The following FABP7 variants were observed in gnomAD, a reference collection of about 807,000 sequenced individuals.
FABP7 encodes fatty acid-binding protein, brain.
A neutral mutation model predicts 14.2 loss-of-function variants in FABP7; 13 were observed. The ratio of observed to expected loss-of-function variants is 0.91; its 90% confidence interval spans 0.59 to 1.45. The LOEUF (loss-of-function observed/expected upper bound fraction) is 1.45. FABP7 is among the 40% of genes most tolerant of loss of function. The pLI is 0.00. For missense variants in FABP7, 149 were observed against 157.6 expected, an observed-to-expected ratio of 0.95 and a Z score of 0.29; for synonymous variants, 49 against 51.4, an observed-to-expected ratio of 0.95 and a Z score of 0.20.
At chr6:122,756,189 T>C in the FABP7 span, among the ~76,000 whole-genome samples, 1 of 152,186 alleles carries the variant, frequency 6.6e-6, no homozygotes, top group Non-Finnish European at 1.5e-5. Context: ...TTGTACCTAC[T>C]TCTCGCCCTT....
the FABP7 span, among the ~76,000 whole-genome samples, chr6:122,763,424 A>G: frequency 6.6e-6 from 1 of 152,214 alleles, no homozygotes; most frequent in African/African-American, 2.4e-5. Flanking sequence ...TAGACCTAAA[A>G]CCATAAAAAC....
chr6:122,775,306 A>G (rs1025826611), upstream of FABP7, among the ~76,000 whole-genome samples: 1 of 151,994 alleles, frequency 6.6e-6, no homozygotes, highest in Non-Finnish European at 1.5e-5. Flanking sequence ...TACTGGCATA[A>G]AAACAGACAC....
the FABP7 span, among the ~76,000 whole-genome samples, chr6:122,770,539 CA>C: frequency 2.6e-5 from 4 of 152,060 alleles, no homozygotes; most frequent in African/African-American, 9.7e-5. Context: ...ATGATTCTGA[CA>C]GACTGGAATG....
At chr6:122,780,101 C>T (rs1780746253) in intron 1 of FABP7, among the ~76,000 whole-genome samples, 190 bp from the exon 2 acceptor site, 1 of 152,192 alleles carries the variant, frequency 6.6e-6, no homozygotes, top group South Asian at 2.1e-4. Flanking sequence ...TATGAAGCTT[C>T]TCTGACTTTT....
the FABP7 span, among the ~76,000 whole-genome samples, chr6:122,766,043 CT>C: frequency 1.3e-5 from 2 of 151,832 alleles, no homozygotes; most frequent in African/African-American, 4.8e-5. Context: ...AGGAAAGGAT[CT>C]TTTTTTTCTT....
chr6:122,752,899 T>C, the FABP7 span, among the ~76,000 whole-genome samples: 1 of 152,340 alleles, frequency 6.6e-6, no homozygotes, highest in African/African-American at 2.4e-5. Flanking sequence ...ATAGGGTTAG[T>C]GGTCTCTCTC....
the FABP7 span, among the ~76,000 whole-genome samples, chr6:122,774,127 C>T: frequency 6.6e-6 from 1 of 151,752 alleles, no homozygotes; most frequent in African/African-American, 2.4e-5. Context: ...TTTGGGAGGC[C>T]CAGGAGGGTG....
rs60619717 is a variant in FABP7 at position 122,783,842 on chromosome 6, A to T, written c.*75A>T. 514 of 1,156,724 alleles carry T rather than the reference A, an allele frequency of 4.4e-4. 2 individuals are homozygous for T. The African/African-American group carries it at 6.8e-3, about 15-fold the overall frequency. The allele number at this position is 1,156,724 out of a possible 1,614,324, so 71.7% of individuals were successfully genotyped here. ...TCAAGTCTCAGTGCTATCCTATTACAACATGGCTGATCATTAATTAGAAGG... is the reference window on the plus strand; with the variant it reads ...TCAAGTCTCAGTGCTATCCTATTACTACATGGCTGATCATTAATTAGAAGG... On this transcript the variant is annotated 3_prime_UTR_variant, in exon 4 of 4. Transcript: ENST00000368444.
At chr6:122,766,217 T>A in the FABP7 span, among the ~76,000 whole-genome samples, 1 of 152,110 alleles carries the variant, frequency 6.6e-6, no homozygotes, top group African/African-American at 2.4e-5. Context: ...TTTAACATAT[T>A]GTATGCATAT....
intron 3 of FABP7, chr6:122,781,568 T>C: frequency 8.1e-7 from 1 of 1,228,658 alleles, no homozygotes; most frequent in Non-Finnish European, 1.0e-6. Flanking sequence ...ATAATTGCTA[T>C]TATAAGAGAA....
At chr6:122,760,563 T>C in the FABP7 span, among the ~76,000 whole-genome samples, 1 of 151,894 alleles carries the variant, frequency 6.6e-6, no homozygotes. Context: ...TGTTCCTGCC[T>C]TCTTTTAGAT....
At chr6:122,766,446 T>A in the FABP7 span, among the ~76,000 whole-genome samples, 1 of 152,112 alleles carries the variant, frequency 6.6e-6, no homozygotes, top group Non-Finnish European at 1.5e-5. Context: ...GAAAGATATA[T>A]TGCCAGATTT....
At chr6:122,781,662 G>C (rs1780788740) in intron 3 of FABP7, 1 of 1,027,918 alleles carries the variant, frequency 9.7e-7, no homozygotes, top group Non-Finnish European at 1.2e-6. Context: ...CACAAGTTCT[G>C]GGCAGATAAT....
At chr6:122,758,711 T>C in the FABP7 span, among the ~76,000 whole-genome samples, 2 of 152,214 alleles carry the variant, frequency 1.3e-5, no homozygotes, top group Non-Finnish European at 2.9e-5. Flanking sequence ...CATCTACAAT[T>C]AGGAAGACAA....
the FABP7 span, among the ~76,000 whole-genome samples, chr6:122,762,225 T>G: frequency 6.6e-6 from 1 of 152,116 alleles, no homozygotes; most frequent in African/African-American, 2.4e-5. Flanking sequence ...GGGATGCAAG[T>G]CTGGTTCAAC....
the FABP7 span, among the ~76,000 whole-genome samples, chr6:122,757,697 G>A: frequency 1.3e-5 from 2 of 151,996 alleles, no homozygotes; most frequent in African/African-American, 4.8e-5. Flanking sequence ...GTAGGTCTGC[G>A]CTGAAAATTT....
chr6:122,765,178 TG>T, the FABP7 span, among the ~76,000 whole-genome samples: 1 of 152,154 alleles, frequency 6.6e-6, no homozygotes, highest in East Asian at 1.9e-4. Flanking sequence ...GAAAAGACTA[TG>T]GGCAATCATA....
the FABP7 span, among the ~76,000 whole-genome samples, chr6:122,764,844 A>C: frequency 2.6e-5 from 4 of 152,282 alleles, no homozygotes. Flanking sequence ...TTGAAACATG[A>C]TTTGACAGCA....
upstream of FABP7, among the ~76,000 whole-genome samples, chr6:122,779,147 C>A (rs903552029): frequency 3.9e-5 from 6 of 152,126 alleles, no homozygotes; most frequent in African/African-American, 9.7e-5. Context: ...CCAGGGAAGG[C>A]ATTTACACCT....
Sources: allele counts gnomAD v4.1 joint callset (sites outside exome capture counted in the v4.1 genomes callset), GRCh38; gene constraint gnomAD v4.1.1; transcripts MANE v1.5; gene names NCBI Gene and HGNC (gene_info 2026-07-23, HGNC 2026-07-21).